The following NCAM2 variants were observed in gnomAD, a reference collection of about 807,000 sequenced individuals.
NCAM2 encodes the protein neural cell adhesion molecule 2, also known as N-CAM-2.
A neutral mutation model predicts 98.1 loss-of-function variants in NCAM2; 30 were observed. The observed-to-expected ratio is 0.31, with a 90% confidence interval of 0.23 to 0.41. The LOEUF (loss-of-function observed/expected upper bound fraction) is 0.41, where lower values mean the gene tolerates loss of function less well. Ranked by LOEUF, NCAM2 falls within the 10% of genes least tolerant of loss-of-function variation. NCAM2 has a pLI of 1.00. For missense variants in NCAM2, 867 were observed against 1,005.8 expected, an observed-to-expected ratio of 0.86 and a Z score of 1.87; for synonymous variants, 368 against 342.4, an observed-to-expected ratio of 1.07 and a Z score of -0.83.
intron 1 of NCAM2, among the ~76,000 whole-genome samples, chr21:21,130,041 A>T (rs1273971473): frequency 1.3e-5 from 2 of 152,040 alleles, no homozygotes; most frequent in African/African-American, 4.8e-5. Context: ...CTAGATATGG[A>T]CCTCTCTTCT....
intron 9 of NCAM2, among the ~76,000 whole-genome samples, chr21:21,394,118 G>GT (rs1362856333): frequency 6.6e-6 from 1 of 152,128 alleles, no homozygotes; most frequent in African/African-American, 2.4e-5. Context: ...TAACTTGGCT[G>GT]TTTAAAATTA....
At chr21:21,391,045 T>G (rs2076369679) in intron 9 of NCAM2, among the ~76,000 whole-genome samples, 1 of 152,184 alleles carries the variant, frequency 6.6e-6, no homozygotes, top group Non-Finnish European at 1.5e-5. Context: ...AACCTTTGAT[T>G]TTAGTTATTC....
intron 1 of NCAM2, among the ~76,000 whole-genome samples, chr21:21,053,951 T>G (rs1014839337): frequency 3.3e-5 from 5 of 151,888 alleles, no homozygotes; most frequent in African/African-American, 1.2e-4. Context: ...ATTCTTTTTT[T>G]TTTTCAACTC....
rs145156337 is a variant in NCAM2, at chr21:20,999,050, C to T, written c.55+432C>T. Among the ~76,000 whole-genome samples, 615 of 152,274 alleles carry T rather than the reference C, an allele frequency of 4.0e-3. 3 individuals carry two copies. The highest frequency in any genetic ancestry group is 0.013 in the African/African-American group (552 of 41,566). On this transcript the variant is annotated intron_variant, in intron 1 of 17. Coordinates refer to ENST00000400546, the MANE Select transcript of NCAM2 (RefSeq NM_004540.5). ...GTTAAACTCATTTGCAAAATATCTG[C>T]TGTGTGCAAGACGTTCGATTCTTGG...
chr21:21,181,435 A>T (rs910842353), intron 1 of NCAM2, among the ~76,000 whole-genome samples: 1 of 152,198 alleles, frequency 6.6e-6, no homozygotes, highest in African/African-American at 2.4e-5. Flanking sequence ...ATAGTTTACA[A>T]TAACTAATTT....
At chr21:21,259,390 A>G (rs1333254773) in intron 1 of NCAM2, among the ~76,000 whole-genome samples, 1 of 151,528 alleles carries the variant, frequency 6.6e-6, no homozygotes, top group East Asian at 1.9e-4. Flanking sequence ...CAGTAGCAGC[A>G]TGATAGGGAA....
chr21:21,247,034 T>A (rs34815724), intron 1 of NCAM2, among the ~76,000 whole-genome samples: 150,969 of 152,266 alleles, frequency 0.99, 74,856 homozygotes, highest in East Asian at 1. Context: ...TTAAAAAAAA[T>A]TTAGACTAGG....
At chr21:21,147,685 A>C (rs1259958135) in intron 1 of NCAM2, among the ~76,000 whole-genome samples, 2 of 142,796 alleles carry the variant, frequency 1.4e-5, no homozygotes, top group African/African-American at 5.0e-5. Context: ...GCGCATATGC[A>C]CACATACATC....
At chr21:21,033,656 G>A (rs1035932879) in intron 1 of NCAM2, among the ~76,000 whole-genome samples, 3 of 152,104 alleles carry the variant, frequency 2.0e-5, no homozygotes, top group African/African-American at 7.2e-5. Flanking sequence ...AGTATGTGAA[G>A]CAAAGGGTGG....
intron 15 of NCAM2, among the ~76,000 whole-genome samples, chr21:21,504,414 A>G (rs963777494): frequency 1.4e-5 from 2 of 144,668 alleles, no homozygotes; most frequent in Non-Finnish European, 3.0e-5. Flanking sequence ...TATTTAAATT[A>G]TTACTTATGC....
intron 1 of NCAM2, among the ~76,000 whole-genome samples, chr21:21,148,966 G>A (rs1457466656): frequency 1.3e-5 from 2 of 152,018 alleles, no homozygotes; most frequent in Non-Finnish European, 2.9e-5. Flanking sequence ...TTTCAATGAC[G>A]ATTACTAATG....
rs528951508 is a variant in NCAM2, at chr21:21,204,984, T to A, written c.56-75594T>A. On this transcript the variant is annotated intron_variant, in intron 1 of 17. Transcript: ENST00000400546. ...TTTCTAAGCACACATATCATTCACTTTAATAATGGACTTCTGAGATATTTG... is the reference window on the plus strand; with the variant it reads ...TTTCTAAGCACACATATCATTCACTATAATAATGGACTTCTGAGATATTTG... Among the ~76,000 whole-genome samples the A allele has an allele frequency of 2.6e-5, 4 of 152,218 alleles. No individual in the cohort carries two copies. The South Asian group carries it at 8.3e-4, about 32-fold the overall frequency.
At chr21:21,519,267 A>C (rs1388824291) in intron 16 of NCAM2, among the ~76,000 whole-genome samples, 1 of 152,184 alleles carries the variant, frequency 6.6e-6, no homozygotes, top group East Asian at 1.9e-4. Context: ...TATTGTGTGA[A>C]GAATGGGTTA....
intron 5 of NCAM2, among the ~76,000 whole-genome samples, chr21:21,310,856 C>T (rs2074026965): frequency 6.6e-6 from 1 of 152,138 alleles, no homozygotes; most frequent in Non-Finnish European, 1.5e-5. Flanking sequence ...ACTCTGACAA[C>T]CACCACTTCT....
At chr21:21,200,732 TA>T (rs66554905) in intron 1 of NCAM2, among the ~76,000 whole-genome samples, 145,311 of 145,312 alleles carry the variant, frequency 1, 72,655 homozygotes, top group Non-Finnish European at 1. Context: ...AAAATAGGTC[TA>T]AATTAATGGG....
At chr21:21,210,629 A>G in intron 1 of NCAM2, 1 of 1,286,864 alleles carries the variant, frequency 7.8e-7, no homozygotes, top group Non-Finnish European at 1.0e-6. Context: ...CTCTTTGTTG[A>G]CTGGAAATAC....
rs1262097555 is a variant in NCAM2 at position 21,538,848 on chromosome 21, G to A, written c.*891G>A. ...TTTAAAATAATTTATCAAAAAACAA[G>A]TCTTTAGTGTTCAAATACTTCAAAT... On this transcript the variant is annotated 3_prime_UTR_variant, in exon 18 of 18. Transcript: ENST00000400546. 4 of 152,102 alleles carry A rather than the reference G, an allele frequency of 2.6e-5. No homozygotes were observed. The East Asian group carries it at 5.8e-4, about 22-fold the overall frequency. The allele number at this position is 152,102 out of a possible 1,614,324, so 9.4% of individuals were successfully genotyped here.
At chr21:21,023,822 GAT>G (rs1372489644) in intron 1 of NCAM2, among the ~76,000 whole-genome samples, 1 of 151,996 alleles carries the variant, frequency 6.6e-6, no homozygotes. Flanking sequence ...TATATATTTA[GAT>G]ATGTCATTCA....
chr21:21,146,550 TA>T (rs1257081542), intron 1 of NCAM2, among the ~76,000 whole-genome samples: 1 of 50,028 alleles, frequency 2.0e-5, no homozygotes, highest in Middle Eastern at 0.014. Flanking sequence ...TTACAGGATA[TA>T]TATATGTATA....
Sources: allele counts gnomAD v4.1 joint callset (sites outside exome capture counted in the v4.1 genomes callset), GRCh38; gene constraint gnomAD v4.1.1; transcripts MANE v1.5; gene names NCBI Gene and HGNC (gene_info 2026-07-23, HGNC 2026-07-21).